Variants in SLC28A1 observed in about 807,000 individuals in gnomAD.
SLC28A1 encodes the protein sodium/nucleoside cotransporter 1.
SLC28A1 carries 64 observed loss-of-function variants against 74.8 expected under a neutral mutation model. The observed-to-expected ratio is 0.86, with a 90% CI of 0.70 to 1.05. The LOEUF (loss-of-function observed/expected upper bound fraction) is 1.05, where lower values mean the gene tolerates loss of function less well. Ranked by LOEUF, SLC28A1 falls within the 50% of genes least tolerant of loss-of-function variation. SLC28A1 has a pLI of 0.00. For synonymous variants in SLC28A1, 359 were observed against 335.0 expected, an observed-to-expected ratio of 1.07 and a Z score of -0.78; for missense variants, 828 against 822.8, an observed-to-expected ratio of 1.01 and a Z score of -0.08.
downstream of SLC28A1, among the ~76,000 whole-genome samples, chr15:84,947,581 C>T (rs140042588): frequency 1.3e-5 from 2 of 152,382 alleles, no homozygotes; most frequent in East Asian, 3.9e-4. Flanking sequence ...GTATTTCTCA[C>T]AGCTCTTGAG....
chr15:84,917,484 G>T (rs1046276825), intron 9 of SLC28A1, among the ~76,000 whole-genome samples: 1 of 151,618 alleles, frequency 6.6e-6, no homozygotes, highest in Non-Finnish European at 1.5e-5. Flanking sequence ...ATGTTGCCCA[G>T]CCTGGCCTTG....
At chr15:84,929,539 G>A (rs1315905520) in intron 12 of SLC28A1, among the ~76,000 whole-genome samples, 1 of 53,558 alleles carries the variant, frequency 1.9e-5, no homozygotes, top group Admixed American at 1.9e-4. Context: ...GCAAGACTCT[G>A]TTTCAAAAAA....
chr15:84,887,578 C>T (rs913723494), intron 2 of SLC28A1, 167 bp from the exon 3 acceptor site: 14 of 985,388 alleles, frequency 1.4e-5, no homozygotes, highest in Non-Finnish European at 1.7e-5. Flanking sequence ...GTCCCAGTCA[C>T]AAGGAGGGGT....
chr15:84,958,826 ATGG>A, the SLC28A1 span, among the ~76,000 whole-genome samples: 1 of 151,938 alleles, frequency 6.6e-6, no homozygotes, highest in East Asian at 1.9e-4. Flanking sequence ...CTTGCTGGGC[ATGG>A]TGGCTCATGC....
At chr15:84,900,414 A>C (rs1041535470) in intron 6 of SLC28A1, among the ~76,000 whole-genome samples, 1 of 150,700 alleles carries the variant, frequency 6.6e-6, no homozygotes, top group African/African-American at 2.4e-5. Context: ...AAAAAAAAAA[A>C]AAAAAAAAAA....
chr15:84,947,207 A>G (rs2142079872), downstream of SLC28A1, among the ~76,000 whole-genome samples: 1 of 152,326 alleles, frequency 6.6e-6, no homozygotes, highest in Non-Finnish European at 1.5e-5. Flanking sequence ...CTGTAGCTCC[A>G]GCTAGGCTCT....
chr15:84,928,527 G>GTTCTTTCTTTCTTTCT (rs1200042713), intron 12 of SLC28A1, among the ~76,000 whole-genome samples: 1 of 47,176 alleles, frequency 2.1e-5, no homozygotes, highest in African/African-American at 1.2e-4. Flanking sequence ...AGGTTCGTTC[G>GTTCTTTCTTTCTTTCT]TTCTTTCTTT....
intron 8 of SLC28A1, among the ~76,000 whole-genome samples, chr15:84,907,201 T>C (rs1967378827): frequency 6.6e-6 from 1 of 152,232 alleles, no homozygotes; most frequent in Non-Finnish European, 1.5e-5. Flanking sequence ...TGGAACTTTA[T>C]AGCATGAGTG....
intron 6 of SLC28A1, chr15:84,895,909 C>G (rs1965956288): frequency 1.0e-6 from 1 of 1,001,940 alleles, no homozygotes; most frequent in Non-Finnish European, 1.2e-6. Context: ...CTCACTTTCC[C>G]AAAGTGAGAT....
chr15:84,942,425 A>G (rs984491499), intron 15 of SLC28A1, among the ~76,000 whole-genome samples: 6 of 152,226 alleles, frequency 3.9e-5, no homozygotes, highest in Admixed American at 2.0e-4. Flanking sequence ...TTTTGTTTTC[A>G]AATTATTTCA....
chr15:84,943,399 G>T, intron 15 of SLC28A1, 46 bp from the exon 16 acceptor site: 1 of 1,400,192 alleles, frequency 7.1e-7, no homozygotes, highest in Non-Finnish European at 1.0e-6. Flanking sequence ...GGTGCCCCAG[G>T]CCCATCTGAG....
intron 9 of SLC28A1, among the ~76,000 whole-genome samples, chr15:84,909,492 A>G (rs1382041034): frequency 6.6e-6 from 1 of 152,222 alleles, no homozygotes; most frequent in Non-Finnish European, 1.5e-5. Flanking sequence ...CTAATTTAAA[A>G]ACAGGTCAGC....
rs946060476 is a variant in SLC28A1, at chr15:84,937,075, AAG to A, written c.1581+1564_1581+1565del. ...CTTTAAAAAAAAAAAAAGGGAAAGC[AAG>A]AGAGAGTTTACATAGTTTCTGTCGT... On this transcript the variant is annotated intron_variant, in intron 15 of 18. Coordinates refer to ENST00000394573, the MANE Select transcript of SLC28A1 (RefSeq NM_004213.5). Among the ~76,000 whole-genome samples, 30 of 150,894 alleles carry A rather than the reference AAG, an allele frequency of 2.0e-4. 1 individual carries two copies. The highest frequency in any genetic ancestry group is 2.0e-4 in the Admixed American group (3 of 15,158).
At chr15:84,887,971 C>G in intron 3 of SLC28A1, 115 bp downstream of exon 3, 1 of 755,398 alleles carries the variant, frequency 1.3e-6, no homozygotes, top group Non-Finnish European at 2.4e-6. Flanking sequence ...ATTCTTCTGC[C>G]CCCTTCTCAC....
At chr15:84,907,259 A>G (rs1469346090) in intron 8 of SLC28A1, among the ~76,000 whole-genome samples, 1 of 152,224 alleles carries the variant, frequency 6.6e-6, no homozygotes, top group African/African-American at 2.4e-5. Context: ...AGCTCAGTCT[A>G]AACTAATGGT....
intron 6 of SLC28A1, among the ~76,000 whole-genome samples, chr15:84,898,997 T>A (rs1208270628): frequency 1.3e-5 from 2 of 152,024 alleles, no homozygotes; most frequent in Non-Finnish European, 2.9e-5. Flanking sequence ...GCAGTTGAGT[T>A]CTGCTCAGAG....
At position 84,945,451 on chromosome 15, in the gene SLC28A1, G is replaced by T; in HGVS notation, c.*251G>T. On this transcript the variant is annotated 3_prime_UTR_variant, in exon 19 of 19. Transcript: ENST00000394573. ...TAACTCCCCCAGTGTGAATTCTCAG[G>T]GTCACTTCTGCCTCCTCCCGTTTCC... is the stretch of plus-strand genomic sequence containing the variant. The T allele has an allele frequency of 1.9e-6, 1 of 516,868 alleles. No individual in the cohort carries two copies. The highest frequency in any genetic ancestry group is 3.6e-6 in the Non-Finnish European group (1 of 281,118). 32.0% of individuals were successfully genotyped at this position (516,868 alleles called of 1,614,324 possible).
At chr15:84,894,507 C>T (rs1263430387) in intron 5 of SLC28A1, among the ~76,000 whole-genome samples, 1 of 152,188 alleles carries the variant, frequency 6.6e-6, no homozygotes, top group Non-Finnish European at 1.5e-5. Flanking sequence ...AGGAAGCATG[C>T]TCATTGATGA....
intron 8 of SLC28A1, among the ~76,000 whole-genome samples, chr15:84,908,174 A>ATTTTT (rs1596270479): frequency 1.5e-5 from 1 of 65,890 alleles, no homozygotes. Context: ...CTCCCAGAGC[A>ATTTTT]TTTCTTTTTT....
Sources: allele counts gnomAD v4.1 joint callset (sites outside exome capture counted in the v4.1 genomes callset), GRCh38; gene constraint gnomAD v4.1.1; transcripts MANE v1.5; gene names NCBI Gene and HGNC (gene_info 2026-07-23, HGNC 2026-07-21).